SLC5A4: variants seen among roughly 807,000 people sequenced by gnomAD.
The protein encoded by SLC5A4 is solute carrier family 5 member 4, also known as probable glucose sensor protein SLC5A4.
Under a neutral mutation model 70.3 loss-of-function variants are expected in SLC5A4, and 55 were observed. The ratio of observed to expected loss-of-function variants is 0.78; its 90% CI spans 0.63 to 0.98. SLC5A4 has a LOEUF of 0.98. Among genes scored for constraint, SLC5A4 ranks in the 50% least tolerant of loss-of-function variants. The probability of loss-of-function intolerance (pLI) is 0.00; values close to 1 mark genes in which losing one functional copy is unlikely to be tolerated. For missense variants in SLC5A4, 735 were observed against 839.2 expected, an observed-to-expected ratio of 0.88 and a Z score of 1.53; for synonymous variants, 268 against 305.7, an observed-to-expected ratio of 0.88 and a Z score of 1.29.
chr22:32,301,987 A>G, the SLC5A4 span, among the ~76,000 whole-genome samples: 3 of 152,180 alleles, frequency 2.0e-5, no homozygotes, highest in Admixed American at 2.0e-4. Context: ...ATTAACTCAA[A>G]GTGGATCAAA....
the SLC5A4 span, among the ~76,000 whole-genome samples, chr22:32,324,265 A>ACG: frequency 1.9e-5 from 2 of 107,130 alleles, no homozygotes; most frequent in East Asian, 5.4e-4. Flanking sequence ...ACACACATAT[A>ACG]TGTATATATA....
At chr22:32,263,441 T>C in the SLC5A4 span, among the ~76,000 whole-genome samples, 3 of 152,106 alleles carry the variant, frequency 2.0e-5, no homozygotes, top group Admixed American at 6.5e-5. Context: ...AAGAAACATA[T>C]GAAAAAAAGC....
the SLC5A4 span, among the ~76,000 whole-genome samples, chr22:32,331,749 G>A: frequency 6.6e-6 from 1 of 152,128 alleles, no homozygotes; most frequent in Non-Finnish European, 1.5e-5. Context: ...GCGGAGGGCA[G>A]GACACGCAGC....
At chr22:32,234,804 G>C in intron 8 of SLC5A4, 69 bp downstream of exon 8, 1 of 1,107,572 alleles carries the variant, frequency 9.0e-7, no homozygotes, top group Non-Finnish European at 1.4e-6. Context: ...GAAAGAACAA[G>C]CACATGCACA....
At chr22:32,277,576 C>T in the SLC5A4 span, among the ~76,000 whole-genome samples, 9 of 152,184 alleles carry the variant, frequency 5.9e-5, no homozygotes, top group Admixed American at 2.6e-4. Flanking sequence ...GAGATGGAGT[C>T]TCTCTCTGTT....
intron 5 of SLC5A4, among the ~76,000 whole-genome samples, chr22:32,239,529 T>C (rs868470462): frequency 3.6e-4 from 3 of 8,318 alleles, no homozygotes; most frequent in Middle Eastern, 0.033. Flanking sequence ...TATATATATA[T>C]ATATATATAT....
chr22:32,325,657 C>T, the SLC5A4 span, among the ~76,000 whole-genome samples: 3 of 152,242 alleles, frequency 2.0e-5, no homozygotes, highest in African/African-American at 7.2e-5. Context: ...ATTAGAGCTG[C>T]AGGGTCCTGA....
the SLC5A4 span, among the ~76,000 whole-genome samples, chr22:32,311,672 C>T: frequency 6.6e-6 from 1 of 152,152 alleles, no homozygotes; most frequent in Non-Finnish European, 1.5e-5. Flanking sequence ...AGATGGGAGG[C>T]TCCCCAGGGG....
the SLC5A4 span, among the ~76,000 whole-genome samples, chr22:32,334,689 G>T: frequency 6.6e-6 from 1 of 152,206 alleles, no homozygotes; most frequent in Admixed American, 6.5e-5. Flanking sequence ...CTCCCTCTTG[G>T]ATGCTGTCAA....
chr22:32,286,765 T>C, the SLC5A4 span, among the ~76,000 whole-genome samples: 1 of 152,234 alleles, frequency 6.6e-6, no homozygotes, highest in African/African-American at 2.4e-5. Context: ...TTGGCTGTTG[T>C]CTTCATTCAA....
At chr22:32,331,412 G>A in the SLC5A4 span, among the ~76,000 whole-genome samples, 2 of 152,102 alleles carry the variant, frequency 1.3e-5, no homozygotes, top group Non-Finnish European at 1.5e-5. Flanking sequence ...ACTCCCTCGC[G>A]CCCCAGTCAG....
chr22:32,275,911 A>G, the SLC5A4 span, among the ~76,000 whole-genome samples: 1 of 152,160 alleles, frequency 6.6e-6, no homozygotes, highest in Non-Finnish European at 1.5e-5. Flanking sequence ...TCGCCATTCT[A>G]ACTGGTGTGA....
At chr22:32,348,496 GTGT>G in the SLC5A4 span, among the ~76,000 whole-genome samples, 2 of 152,300 alleles carry the variant, frequency 1.3e-5, no homozygotes, top group African/African-American at 4.8e-5. Flanking sequence ...GGGGGTGGTG[GTGT>G]TACCAGAAAA....
the SLC5A4 span, chr22:32,271,998 C>T: frequency 1.6e-5 from 10 of 617,280 alleles, no homozygotes; most frequent in Admixed American, 2.4e-5. Context: ...GCAGTGCATC[C>T]ACCCCCAGGA....
At chr22:32,300,650 G>A in the SLC5A4 span, among the ~76,000 whole-genome samples, 10 of 152,098 alleles carry the variant, frequency 6.6e-5, no homozygotes, top group African/African-American at 1.9e-4. Flanking sequence ...GCTGTAGACC[G>A]GAGCTGTTCC....
chr22:32,326,531 A>C, the SLC5A4 span, among the ~76,000 whole-genome samples: 4 of 152,152 alleles, frequency 2.6e-5, no homozygotes, highest in African/African-American at 9.7e-5. Context: ...CTGGGATTAC[A>C]GACATGAGCC....
At chr22:32,330,964 T>TG in the SLC5A4 span, among the ~76,000 whole-genome samples, 1 of 2,190 alleles carries the variant, frequency 4.6e-4, no homozygotes, top group Non-Finnish European at 9.2e-4. Flanking sequence ...GTGTGTGTGT[T>TG]GGGGGCACTG....
At chr22:32,290,702 G>A in the SLC5A4 span, among the ~76,000 whole-genome samples, 1 of 152,118 alleles carries the variant, frequency 6.6e-6, no homozygotes, top group African/African-American at 2.4e-5. Flanking sequence ...GTGTGCAGAA[G>A]ACTCGCTCTC....
At chr22:32,283,173 T>G in the SLC5A4 span, among the ~76,000 whole-genome samples, 1 of 152,252 alleles carries the variant, frequency 6.6e-6, no homozygotes, top group African/African-American at 2.4e-5. Context: ...TCCTGTTCAC[T>G]GGGCTCTCAG....
Sources: allele counts gnomAD v4.1 joint callset (sites outside exome capture counted in the v4.1 genomes callset), GRCh38; gene constraint gnomAD v4.1.1; transcripts MANE v1.5; gene names NCBI Gene and HGNC (gene_info 2026-07-23, HGNC 2026-07-21).